PID1: variants seen among roughly 807,000 people sequenced by gnomAD.
PID1 encodes PTB-containing, cubilin and LRP1-interacting protein.
In PID1, 10 loss-of-function variants were observed where a neutral mutation model predicts 19.1. The observed-to-expected ratio is 0.52, with a 90% CI of 0.32 to 0.89. The LOEUF (loss-of-function observed/expected upper bound fraction) is 0.89, where lower values mean the gene tolerates loss of function less well. Among genes scored for constraint, PID1 ranks in the 40% least tolerant of loss-of-function variants. The pLI, the probability that PID1 is intolerant of heterozygous loss-of-function variation, is 0.03. For missense variants in PID1, 248 were observed against 285.3 expected (o/e 0.87, Z 0.94); for synonymous variants, 130 against 116.0 (o/e 1.12, Z -0.78).
intron 1 of PID1, among the ~76,000 whole-genome samples, chr2:229,234,106 G>C (rs1297974574): frequency 6.6e-6 from 1 of 152,158 alleles, no homozygotes; most frequent in Non-Finnish European, 1.5e-5. Flanking sequence ...AGCGCTTCAT[G>C]AAAGGTTATG....
chr2:229,270,891 A>C (rs1355041852), intron 1 of PID1, 123 bp downstream of exon 1: 11 of 802,052 alleles, frequency 1.4e-5, no homozygotes, highest in Non-Finnish European at 2.1e-5. Flanking sequence ...TCATGTTGCC[A>C]TCGATGCGTC....
chr2:229,266,682 G>C (rs1574770980), intron 1 of PID1, among the ~76,000 whole-genome samples: 1 of 152,202 alleles, frequency 6.6e-6, no homozygotes, highest in East Asian at 1.9e-4. Flanking sequence ...ATTTCTAGCT[G>C]CTCAACGCTG....
At chr2:229,270,973 T>G in intron 1 of PID1, 41 bp downstream of exon 1, 2 of 1,468,358 alleles carry the variant, frequency 1.4e-6, no homozygotes, top group Non-Finnish European at 1.8e-6. Flanking sequence ...CCCGGGCACC[T>G]CCTCCTCCAG....
At chr2:229,072,066 C>T (rs1694465682) in intron 2 of PID1, among the ~76,000 whole-genome samples, 1 of 152,122 alleles carries the variant, frequency 6.6e-6, no homozygotes, top group Non-Finnish European at 1.5e-5. Context: ...AATTCATTCT[C>T]CTCTTGTTAG....
At chr2:229,252,862 C>A (rs921759422) in intron 1 of PID1, among the ~76,000 whole-genome samples, 1 of 152,100 alleles carries the variant, frequency 6.6e-6, no homozygotes, top group African/African-American at 2.4e-5. Context: ...TACAAAGCAT[C>A]AAGTTCCTAG....
At chr2:229,194,188 TAATCTC>T (rs1338483900) in intron 1 of PID1, among the ~76,000 whole-genome samples, 2 of 152,096 alleles carry the variant, frequency 1.3e-5, no homozygotes, top group Non-Finnish European at 2.9e-5. Context: ...GATGGCTAGT[TAATCTC>T]AAAGTCAGAA....
intron 2 of PID1, among the ~76,000 whole-genome samples, chr2:229,115,401 A>AC (rs1695390129): frequency 1.3e-5 from 1 of 76,202 alleles, no homozygotes; most frequent in Non-Finnish European, 2.7e-5. Context: ...GCTACTCTGG[A>AC]GAAAAAAAAA....
intron 1 of PID1, among the ~76,000 whole-genome samples, chr2:229,206,243 C>T (rs1298571203): frequency 6.6e-6 from 1 of 151,020 alleles, no homozygotes; most frequent in Non-Finnish European, 1.5e-5. Flanking sequence ...CAAACAAAAC[C>T]CTAGTATAAG....
intron 2 of PID1, among the ~76,000 whole-genome samples, chr2:229,032,034 G>A (rs556092698): frequency 2.6e-5 from 4 of 151,982 alleles, no homozygotes; most frequent in African/African-American, 9.7e-5. Flanking sequence ...GGGAAATTGA[G>A]TAAAAACTTA....
At chr2:229,223,043 A>G (rs148305471) in intron 1 of PID1, among the ~76,000 whole-genome samples, 244 of 152,190 alleles carry the variant, frequency 1.6e-3, no homozygotes, top group African/African-American at 5.7e-3. Context: ...TTTCCTACAC[A>G]TGGCTTTCGT....
chr2:229,189,767 G>A (rs1042423724), intron 1 of PID1, among the ~76,000 whole-genome samples: 8 of 152,244 alleles, frequency 5.3e-5, no homozygotes, highest in Middle Eastern at 3.4e-3. Context: ...CAGAACAGTC[G>A]AGGGGCAGGC....
chr2:229,048,343 C>T (rs763909699), intron 2 of PID1, among the ~76,000 whole-genome samples: 52 of 152,142 alleles, frequency 3.4e-4, no homozygotes, highest in Non-Finnish European at 6.5e-4. Context: ...AGCCCTCACT[C>T]CCTAAAAACA....
At chr2:229,090,002 C>G (rs1158668675) in intron 2 of PID1, among the ~76,000 whole-genome samples, 1 of 152,022 alleles carries the variant, frequency 6.6e-6, no homozygotes, top group East Asian at 1.9e-4. Context: ...AGTTACGTAC[C>G]CCAAATAAGA....
intron 2 of PID1, among the ~76,000 whole-genome samples, chr2:229,146,916 C>T (rs765223997): frequency 6.6e-6 from 1 of 152,122 alleles, no homozygotes; most frequent in Non-Finnish European, 1.5e-5. Context: ...TGGATTGTCC[C>T]CCTAGAGCCT....
chr2:229,123,639 A>G (rs1012513371), intron 2 of PID1, among the ~76,000 whole-genome samples: 1 of 152,164 alleles, frequency 6.6e-6, no homozygotes, highest in African/African-American at 2.4e-5. Context: ...CCTTCCCACC[A>G]GCAGTGTTTG....
rs6705024 is a variant in PID1, at chr2:229,217,589, G to A, written c.30+53425C>T. On this transcript the variant is annotated intron_variant, in intron 1 of 2. Coordinates refer to ENST00000392055, the MANE Select transcript of PID1 (RefSeq NM_001100818.2). ...TCAAACGCAGGGCTGGTTGGAGAAG[G>A]TCAGTGTATAATTGGTAATTTACAA... 7.7e-3 allele frequency among the ~76,000 whole-genome samples: 1,172 copies of A among 152,234 alleles called. 15 individuals are homozygous for A. Among genetic ancestry groups the A allele is most frequent in the African/African-American group, 0.027 (1,131 of 41,528 alleles).
chr2:229,213,424 C>T (rs182007281), intron 1 of PID1, among the ~76,000 whole-genome samples: 85 of 152,224 alleles, frequency 5.6e-4, no homozygotes, highest in African/African-American at 1.9e-3. Flanking sequence ...TGGCTTTTTC[C>T]AATTAGGAAA....
At position 229,054,703 on chromosome 2, in the gene PID1, AGTGTGTGT is replaced by A. The variant is rs149214177; in HGVS notation, c.178-28603_178-28596del. Among the ~76,000 whole-genome samples, 154 of 44,122 alleles carry A rather than the reference AGTGTGTGT, an allele frequency of 3.5e-3. 1 individual carries two copies. Among genetic ancestry groups the A allele is most frequent in the Middle Eastern group, 0.017 (1 of 60 alleles). The allele number at this position is 44,122 out of a possible 152,430, so 28.9% of individuals were successfully genotyped here. On this transcript the variant is annotated intron_variant, in intron 2 of 2. Coordinates refer to ENST00000392055, the MANE Select transcript of PID1 (RefSeq NM_001100818.2). ...AGCTCTAGGTAAATGACAGTAATGC[AGTGTGTGT>A]GTGTGTGTGGGGGGGGGGGGGGGTC...
At chr2:229,030,697 A>T (rs547457721) in intron 2 of PID1, among the ~76,000 whole-genome samples, 1 of 152,178 alleles carries the variant, frequency 6.6e-6, no homozygotes, top group Non-Finnish European at 1.5e-5. Flanking sequence ...ATTCACTCCA[A>T]TGAAAACCGA....
Sources: allele counts gnomAD v4.1 joint callset (sites outside exome capture counted in the v4.1 genomes callset), GRCh38; gene constraint gnomAD v4.1.1; transcripts MANE v1.5; gene names NCBI Gene and HGNC (gene_info 2026-07-23, HGNC 2026-07-21).